HS1BP3: variants seen among roughly 807,000 people sequenced by gnomAD.
HS1BP3 encodes HCLS1-binding protein 3.
HS1BP3 carries 32 observed loss-of-function variants against 33.5 expected under a neutral mutation model. That is an observed-to-expected ratio of 0.95 (90% CI 0.72 to 1.28). HS1BP3 has a LOEUF of 1.28. Among genes scored for constraint, HS1BP3 ranks in the 50% most tolerant of loss-of-function variants. The pLI is 0.00. For synonymous variants in HS1BP3, 187 were observed against 209.2 expected (o/e 0.89, Z 0.92); for missense variants, 486 against 502.3 (o/e 0.97, Z 0.31).
At chr2:20,632,700 T>C (rs1249738413) in intron 4 of HS1BP3, among the ~76,000 whole-genome samples, 1 of 152,162 alleles carries the variant, frequency 6.6e-6, no homozygotes, top group Non-Finnish European at 1.5e-5. Flanking sequence ...CTCCCAGATT[T>C]CTATCTCTCA....
chr2:20,616,677 C>T (rs1259600406), downstream of HS1BP3, among the ~76,000 whole-genome samples: 1 of 152,196 alleles, frequency 6.6e-6, no homozygotes, highest in Non-Finnish European at 1.5e-5. Context: ...AGAATCCTCC[C>T]CTTCCCCTAC....
intron 5 of HS1BP3, among the ~76,000 whole-genome samples, chr2:20,568,667 G>A (rs1693193932): frequency 6.6e-6 from 1 of 152,134 alleles, no homozygotes; most frequent in Non-Finnish European, 1.5e-5. Flanking sequence ...CTCCTGGAAG[G>A]AGCTCAGGGC....
chr2:20,642,837 C>G (rs1006743921), intron 2 of HS1BP3, among the ~76,000 whole-genome samples: 2 of 152,182 alleles, frequency 1.3e-5, no homozygotes, highest in Non-Finnish European at 2.9e-5. Context: ...ATCTGGTGCC[C>G]CCGTGTGCCA....
At chr2:20,648,325 G>A (rs529663783) in intron 1 of HS1BP3, among the ~76,000 whole-genome samples, 2 of 152,242 alleles carry the variant, frequency 1.3e-5, no homozygotes, top group South Asian at 4.1e-4. Context: ...GTTTGATCTT[G>A]AACCCTTTCC....
At chr2:20,624,379 C>A (rs1343936386) in intron 5 of HS1BP3, among the ~76,000 whole-genome samples, 6 of 152,122 alleles carry the variant, frequency 3.9e-5, no homozygotes, top group Non-Finnish European at 8.8e-5. Flanking sequence ...AGGAAAGGGA[C>A]CAAGGGATGA....
downstream of HS1BP3, among the ~76,000 whole-genome samples, chr2:20,613,936 G>A (rs999256200): frequency 3.3e-5 from 5 of 152,244 alleles, no homozygotes; most frequent in Non-Finnish European, 4.4e-5. Context: ...CTGTGAAGGT[G>A]CTCCTATTTG....
At chr2:20,598,261 C>T in exon 3 of HS1BP3, 1 of 426,912 alleles carries the variant, frequency 2.3e-6, no homozygotes, top group Non-Finnish European at 4.8e-6. Flanking sequence ...ACTAGATGGT[C>T]CCACCTTCAG....
At chr2:20,641,813 G>A (rs959827113) in intron 2 of HS1BP3, among the ~76,000 whole-genome samples, 3 of 152,170 alleles carry the variant, frequency 2.0e-5, no homozygotes, top group Non-Finnish European at 2.9e-5. Context: ...TGGGGCCAGC[G>A]GCTGACTCCC....
chr2:20,630,660 G>T, intron 4 of HS1BP3, among the ~76,000 whole-genome samples: 1 of 152,172 alleles, frequency 6.6e-6, no homozygotes, highest in Non-Finnish European at 1.5e-5. Flanking sequence ...AACAGCAATG[G>T]GCTTCCTTGG....
chr2:20,596,283 A>G (rs1303799733), intron 3 of HS1BP3, among the ~76,000 whole-genome samples: 2 of 152,204 alleles, frequency 1.3e-5, no homozygotes, highest in African/African-American at 4.8e-5. Flanking sequence ...TGCCTCCTCC[A>G]GGAAGCTTAT....
Position 20,597,991 on chromosome 2 carries a change from G to A in HS1BP3, c.*12+217C>T, listed in dbSNP as rs77214520. ...TGGTGAGGAGGGACAATCCTGGCTG[G>A]GTAGGTCAGGCAGCTAAAAGTTGGG... On this transcript the variant is annotated intron_variant, in intron 3 of 3. Transcript: ENST00000415264. 9.8e-3 allele frequency among the ~76,000 whole-genome samples: 1,498 copies of A among 152,156 alleles called. 33 individuals carry two copies. The highest frequency in any genetic ancestry group is 0.034 in the African/African-American group (1,408 of 41,514).
chr2:20,557,257 T>C (rs571818333), downstream of HS1BP3, among the ~76,000 whole-genome samples: 1 of 152,360 alleles, frequency 6.6e-6, no homozygotes, highest in East Asian at 1.9e-4. Flanking sequence ...GATCTTATCA[T>C]TGGCCTTCCG....
chr2:20,572,318 C>G (rs529784268), intron 5 of HS1BP3, among the ~76,000 whole-genome samples: 1 of 152,330 alleles, frequency 6.6e-6, no homozygotes, highest in South Asian at 2.1e-4. Flanking sequence ...TATCAGAACA[C>G]TTCCTCCGTC....
chr2:20,553,972 G>T, the HS1BP3 span, among the ~76,000 whole-genome samples: 8 of 152,206 alleles, frequency 5.3e-5, no homozygotes, highest in Admixed American at 5.2e-4. Flanking sequence ...GGACGGTTTA[G>T]TATTCACAGC....
chr2:20,605,705 C>T (rs1453934138), intron 2 of HS1BP3, among the ~76,000 whole-genome samples: 1 of 152,202 alleles, frequency 6.6e-6, no homozygotes, highest in Non-Finnish European at 1.5e-5. Flanking sequence ...TGACTGGCTT[C>T]TTTCACTCAG....
intron 4 of HS1BP3, among the ~76,000 whole-genome samples, chr2:20,627,707 C>T (rs1439089297): frequency 2.0e-5 from 3 of 152,146 alleles, no homozygotes; most frequent in Non-Finnish European, 4.4e-5. Context: ...CCCATGCTGC[C>T]TGGGCTGCCT....
At chr2:20,581,466 C>G (rs966827582) in intron 5 of HS1BP3, among the ~76,000 whole-genome samples, 1 of 152,218 alleles carries the variant, frequency 6.6e-6, no homozygotes, top group Non-Finnish European at 1.5e-5. Flanking sequence ...TCTCCTCCCT[C>G]AGCCTCCCAA....
intron 3 of HS1BP3, among the ~76,000 whole-genome samples, chr2:20,597,448 C>G (rs111964923): frequency 6.4e-4 from 97 of 152,302 alleles, no homozygotes; most frequent in African/African-American, 2.3e-3. Context: ...GGGGTTTCAG[C>G]AAGCCTTCAC....
rs1329198677 is a variant in HS1BP3, at chr2:20,624,743, G to GA, written c.772dup (p.Ser258PhefsTer10). Reference sequence around the variant, plus strand: ...GGGGCTCTACTTACGGTCCACGGATGACACGTCCTCCGAGGGGTCCTGTGG... The same window carrying GA: ...GGGGCTCTACTTACGGTCCACGGATGAACACGTCCTCCGAGGGGTCCTGTGG... On this transcript the variant is annotated frameshift_variant, in exon 5 of 7. Transcript: ENST00000304031. LOFTEE classifies it high-confidence loss of function. 9 of 1,601,194 alleles carry GA rather than the reference G, an allele frequency of 5.6e-6. No individual in the cohort carries two copies. The highest frequency in any genetic ancestry group is 7.7e-6 in the Non-Finnish European group (9 of 1,172,530).
Sources: gnomAD v4.1 joint callset for allele counts (sites outside exome capture counted in the v4.1 genomes callset) on GRCh38, gnomAD v4.1.1 for gene constraint, MANE v1.5 for transcripts, NCBI Gene and HGNC (gene_info 2026-07-23, HGNC 2026-07-21) for gene names.